The following MIOS variants were observed in gnomAD, a reference collection of about 807,000 sequenced individuals.
The protein encoded by MIOS is GATOR2 complex protein MIOS.
Under a neutral mutation model 96.9 loss-of-function variants are expected in MIOS, and 52 were observed. The observed-to-expected ratio is 0.54, with a 90% CI of 0.43 to 0.68. The LOEUF (loss-of-function observed/expected upper bound fraction) is 0.68. Among genes scored for constraint, MIOS ranks in the 30% least tolerant of loss-of-function variants. MIOS has a pLI of 0.00. For missense variants in MIOS, 1,005 were observed against 1,052.8 expected (o/e 0.95, Z 0.63); for synonymous variants, 397 against 359.5 (o/e 1.10, Z -1.18).
At chr7:7,575,503 A>G (rs1319953562) in intron 5 of MIOS, among the ~76,000 whole-genome samples, 2 of 152,118 alleles carry the variant, frequency 1.3e-5, no homozygotes, top group Non-Finnish European at 2.9e-5. Flanking sequence ...GTAAAAGGGC[A>G]CACATACTGT....
rs982937120 is a variant in MIOS at position 7,572,002 on chromosome 7, C to T, written c.-40-434C>T. Among the ~76,000 whole-genome samples, 6 of 152,158 alleles carry T rather than the reference C, an allele frequency of 3.9e-5. No individual in the cohort carries two copies. Among genetic ancestry groups the T allele is most frequent in the Non-Finnish European group, 5.9e-5 (4 of 68,006 alleles). On this transcript the variant is annotated intron_variant, in intron 3 of 12. Transcript: ENST00000340080. This position sits in a 1 kb window ranked among gnomAD's most constrained non-coding sequence, Gnocchi z 4.8. ...CATATTGGACAGCATGAACATGAAA[C>T]ATTTCTGTCATTGCAGAAAGTTTTA... is the stretch of plus-strand genomic sequence containing the variant.
chr7:7,584,221 T>C (rs1783815843), intron 6 of MIOS, among the ~76,000 whole-genome samples: 1 of 150,476 alleles, frequency 6.6e-6, no homozygotes, highest in Non-Finnish European at 1.5e-5. Context: ...TTTGCTCAGA[T>C]TGGCATCTTT....
intron 9 of MIOS, among the ~76,000 whole-genome samples, chr7:7,593,901 A>AAAAAAC (rs376486803): frequency 6.9e-5 from 10 of 145,130 alleles, no homozygotes; most frequent in Non-Finnish European, 1.4e-4. Flanking sequence ...AAAAAGAAAA[A>AAAAAAC]GAAAAGAAAA....
Position 7,572,438 on chromosome 7 carries a change from A to T in MIOS, c.-38A>T. 1 of 1,456,640 alleles carries T rather than the reference A, an allele frequency of 6.9e-7. No homozygotes were observed. The highest frequency in any genetic ancestry group is 1.3e-5 in the South Asian group (1 of 75,398). 90.2% of individuals were successfully genotyped at this position (1,456,640 alleles called of 1,614,324 possible). A position where few individuals can be genotyped will look rare whatever the true frequency, so the allele number is the denominator to read the frequency against. On this transcript the variant is annotated splice_region_variant and 5_prime_UTR_variant, in exon 4 of 13. Coordinates refer to ENST00000340080, the MANE Select transcript of MIOS (RefSeq NM_019005.4). The surrounding 1 kb of genome is among the most constrained non-coding windows in gnomAD (Gnocchi z 4.8). The stretch of plus-strand genomic sequence containing the variant: ...TTTTTATTTTTAAACATTTTCAGTG[A>T]ATGGACCTGAGTGGACCCTTTGATC...
At chr7:7,600,343 A>G (rs1784338473) in intron 11 of MIOS, among the ~76,000 whole-genome samples, 1 of 152,160 alleles carries the variant, frequency 6.6e-6, no homozygotes, top group African/African-American at 2.4e-5. Context: ...GTGCAGAGAC[A>G]CACATAGGCT....
intron 9 of MIOS, among the ~76,000 whole-genome samples, chr7:7,594,383 TGCAACTTCC>T (rs58571854): frequency 0.021 from 3,240 of 152,040 alleles, 91 homozygotes; most frequent in African/African-American, 0.074. Flanking sequence ...CTCAGCTCAC[TGCAACTTCC>T]GCCTCCCGGT....
At chr7:7,579,799 C>G (rs995069544) in intron 5 of MIOS, among the ~76,000 whole-genome samples, 3 of 152,168 alleles carry the variant, frequency 2.0e-5, no homozygotes, top group African/African-American at 7.2e-5. Flanking sequence ...CCATGTAGCC[C>G]AGGTGTGTAG....
intron 7 of MIOS, 134 bp from the exon 8 acceptor site, chr7:7,588,364 G>A (rs999304560): frequency 4.5e-5 from 20 of 446,624 alleles, no homozygotes; most frequent in East Asian, 3.2e-4. Flanking sequence ...TAATGGCTCT[G>A]CAAGATAAAT....
chr7:7,572,849 A>T lies in MIOS; in HGVS notation c.374A>T (p.Asp125Val). 6.2e-7 allele frequency: 1 copy of T among 1,614,190 alleles called. No homozygotes were observed. Among genetic ancestry groups the T allele is most frequent in the Non-Finnish European group, 8.5e-7 (1 of 1,179,998 alleles). Residue 125 changes from aspartate (D) to valine (V), a missense_variant, in exon 4 of 13, where the codon GAT (aspartate) becomes GTT (valine). Transcript: ENST00000340080. This position sits in a 1 kb window ranked among gnomAD's most constrained non-coding sequence, Gnocchi z 4.8. ...QCNTLAWNPL[D>V]SNWLAAGLDK... ...AATACCCTTGCCTGGAATCCACTGG[A>T]TAGTAACTGGCTAGCTGCTGGTTTA...
chr7:7,596,574 C>A, intron 11 of MIOS, 113 bp downstream of exon 11: 2 of 1,043,576 alleles, frequency 1.9e-6, no homozygotes, highest in Admixed American at 2.2e-5. Context: ...TAAGAAAGGG[C>A]AGTTTACTAG....
chr7:7,575,878 G>A (rs1783514451), intron 5 of MIOS, among the ~76,000 whole-genome samples: 1 of 150,924 alleles, frequency 6.6e-6, no homozygotes, highest in South Asian at 2.1e-4. Flanking sequence ...TAGGTTTTCA[G>A]CTTTTTTTTT....
chr7:7,598,187 A>C (rs1171094938), intron 11 of MIOS, among the ~76,000 whole-genome samples: 1 of 152,188 alleles, frequency 6.6e-6, no homozygotes, highest in Non-Finnish European at 1.5e-5. Flanking sequence ...AACTGGTTAG[A>C]GTGTCAGAAT....
chr7:7,582,767 A>C (rs1337094796), intron 5 of MIOS: 5 of 299,756 alleles, frequency 1.7e-5, no homozygotes, highest in Non-Finnish European at 2.5e-5. Flanking sequence ...AAAATAAATT[A>C]ATAAATGGGA....
At chr7:7,595,205 A>AT in intron 10 of MIOS, 73 bp downstream of exon 10, 1 of 1,497,558 alleles carries the variant, frequency 6.7e-7, no homozygotes, top group Non-Finnish European at 9.0e-7. Flanking sequence ...CTATTAGCTC[A>AT]TTATTTTGCT....
Position 7,607,196 on chromosome 7 carries a change from T to C in MIOS, c.*104T>C. Reference sequence around the variant, plus strand: ...GAACAAGCCATTCATGACTTACCTGTAATGGGAAAATAAATCATTCTATCA... The same window carrying C: ...GAACAAGCCATTCATGACTTACCTGCAATGGGAAAATAAATCATTCTATCA... On this transcript the variant is annotated 3_prime_UTR_variant, in exon 13 of 13. Transcript: ENST00000340080. 1 of 765,754 alleles carries C rather than the reference T, an allele frequency of 1.3e-6. No homozygotes were observed. The highest frequency in any genetic ancestry group is 2.1e-6 in the Non-Finnish European group (1 of 477,642). The allele number at this position is 765,754 out of a possible 1,614,324, so 47.4% of individuals were successfully genotyped here.
At chr7:7,589,611 A>G (rs938753527) in intron 9 of MIOS, 48 bp downstream of exon 9, 1 of 1,552,004 alleles carries the variant, frequency 6.4e-7, no homozygotes, top group Non-Finnish European at 8.7e-7. Flanking sequence ...AATATTCTAT[A>G]TTTTCTTTCC....
chr7:7,594,862 C>CGAA, intron 9 of MIOS, 118 bp from the exon 10 acceptor site: 1 of 375,182 alleles, frequency 2.7e-6, no homozygotes, highest in Non-Finnish European at 4.3e-6. Flanking sequence ...CAGCTTTTGG[C>CGAA]AAAAAAAAAA....
At chr7:7,576,736 G>C (rs1184903341) in intron 5 of MIOS, among the ~76,000 whole-genome samples, 2 of 152,224 alleles carry the variant, frequency 1.3e-5, no homozygotes, top group African/African-American at 2.4e-5. Flanking sequence ...AAGATTGATA[G>C]TAGGGATATC....
In MIOS at chr7:7,608,895, A is replaced by T. The variant is rs1048791229; in HGVS notation, c.*1803A>T. On this transcript the variant is annotated 3_prime_UTR_variant, in exon 13 of 13. Transcript: ENST00000340080. ...GGGTGACATTTTTAAGATTGTATGT[A>T]TGTGTCAACCTCTTAAATGTTTTCT... The T allele has an allele frequency of 2.0e-5, 3 of 152,068 alleles. No individual in the cohort carries two copies. Among genetic ancestry groups the T allele is most frequent in the Non-Finnish European group, 4.4e-5 (3 of 67,964 alleles). 9.4% of individuals were successfully genotyped at this position (152,068 alleles called of 1,614,324 possible).
Sources: gnomAD v4.1 joint callset for allele counts (sites outside exome capture counted in the v4.1 genomes callset) on GRCh38, gnomAD v4.1.1 for gene constraint, Gnocchi (gnomAD v3.1) non-coding constraint, MANE v1.5 for transcripts, NCBI Gene and HGNC (gene_info 2026-07-23, HGNC 2026-07-21) for gene names.